The following PAK1 variants were observed in gnomAD, a reference collection of about 807,000 sequenced individuals.
PAK1 encodes serine/threonine-protein kinase PAK 1.
Under a neutral mutation model 67.4 loss-of-function variants are expected in PAK1, and 29 were observed. The observed-to-expected ratio is 0.43, with a 90% confidence interval of 0.32 to 0.59. PAK1 has a LOEUF of 0.59. PAK1 is among the 20% of genes least tolerant of loss of function. The probability of loss-of-function intolerance (pLI) is 0.07; values close to 1 mark genes in which losing one functional copy is unlikely to be tolerated. For missense variants in PAK1, 337 were observed against 670.7 expected (o/e 0.50, Z 5.50); for synonymous variants, 223 against 237.4 (o/e 0.94, Z 0.56).
intron 1 of PAK1, among the ~76,000 whole-genome samples, chr11:77,404,713 C>A (rs370731477): frequency 9.2e-5 from 14 of 152,296 alleles, no homozygotes; most frequent in South Asian, 4.1e-4. Context: ...TCCTCTCATC[C>A]GAAGCCAATT....
chr11:77,373,942 C>T (rs146347095), intron 5 of PAK1, among the ~76,000 whole-genome samples: 1 of 152,278 alleles, frequency 6.6e-6, no homozygotes, highest in African/African-American at 2.4e-5. Context: ...GTGTATCATC[C>T]TCATTTTATT....
At chr11:77,479,084 CAAA>C (rs757138155), upstream of PAK1, among the ~76,000 whole-genome samples, 4 of 88,722 alleles carry the variant, frequency 4.5e-5, no homozygotes, top group Admixed American at 1.2e-4. Context: ...GACTCCGTCT[CAAA>C]AAAAAAAAAA....
chr11:77,322,888 G>A lies in PAK1; in HGVS notation c.*386C>T. ...AGCAAGCACTAAAGAAATCTCAATTGATTACAAATTGATAATATTATCAAA... is the reference window on the plus strand; with the variant it reads ...AGCAAGCACTAAAGAAATCTCAATTAATTACAAATTGATAATATTATCAAA... On this transcript the variant is annotated 3_prime_UTR_variant, in exon 15 of 15. Coordinates refer to ENST00000356341, the MANE Select transcript of PAK1 (RefSeq NM_002576.5). 1.8e-6 allele frequency: 1 copy of A among 545,126 alleles called. No homozygotes were observed. The highest frequency in any genetic ancestry group is 3.0e-5 in the East Asian group (1 of 33,260). 33.8% of individuals were successfully genotyped at this position (545,126 alleles called of 1,614,324 possible). A position where few individuals can be genotyped will look rare whatever the true frequency, so the allele number is the denominator to read the frequency against.
intron 6 of PAK1, among the ~76,000 whole-genome samples, chr11:77,358,029 T>C (rs1317657552): frequency 3.9e-5 from 6 of 152,210 alleles, no homozygotes; most frequent in African/African-American, 1.2e-4. Context: ...AGATTCTGTT[T>C]GTAAGTTCTC....
intron 2 of PAK1, among the ~76,000 whole-genome samples, chr11:77,384,861 G>A (rs1486348394): frequency 6.6e-6 from 1 of 152,022 alleles, no homozygotes; most frequent in Non-Finnish European, 1.5e-5. Flanking sequence ...CCACGGAATT[G>A]TACATTTTAA....
At chr11:77,452,329 A>G (rs554588357) in intron 1 of PAK1, among the ~76,000 whole-genome samples, 1 of 152,334 alleles carries the variant, frequency 6.6e-6, no homozygotes, top group African/African-American at 2.4e-5. Context: ...CATGCCCTCA[A>G]ATCTGCACTC....
At chr11:77,379,531 A>G (rs180730154) in intron 3 of PAK1, 143 bp from the exon 4 acceptor site, 1 of 699,888 alleles carries the variant, frequency 1.4e-6, no homozygotes, top group East Asian at 2.7e-5. Context: ...CAGAGTTTAC[A>G]CAAGCCTCTT....
chr11:77,510,043 A>G, the PAK1 span, among the ~76,000 whole-genome samples: 2 of 152,238 alleles, frequency 1.3e-5, no homozygotes, highest in Non-Finnish European at 1.5e-5. Flanking sequence ...TGAGTTTGTC[A>G]TGATTTTCAA....
At chr11:77,509,015 A>G in the PAK1 span, among the ~76,000 whole-genome samples, 1 of 143,816 alleles carries the variant, frequency 7.0e-6, no homozygotes, top group Non-Finnish European at 1.5e-5. Flanking sequence ...TCAAGCCTGT[A>G]ATCCCAACAC....
At chr11:77,359,588 GT>G (rs1377618443) in intron 5 of PAK1, among the ~76,000 whole-genome samples, 2 of 152,092 alleles carry the variant, frequency 1.3e-5, no homozygotes, top group African/African-American at 4.8e-5. Context: ...TCAGGATCAT[GT>G]TATCTAAAGA....
chr11:77,444,425 C>A (rs1162356248), intron 1 of PAK1, among the ~76,000 whole-genome samples: 2 of 152,002 alleles, frequency 1.3e-5, no homozygotes, highest in Non-Finnish European at 2.9e-5. Context: ...TGGTCATGCT[C>A]AAAAACTATT....
chr11:77,416,558 T>C (rs1469077271), intron 1 of PAK1, among the ~76,000 whole-genome samples: 2 of 152,130 alleles, frequency 1.3e-5, no homozygotes, highest in Non-Finnish European at 1.5e-5. Flanking sequence ...ACAGTTAACT[T>C]TTTTTTATAA....
intron 7 of PAK1, 50 bp from the exon 8 acceptor site, chr11:77,353,649 A>G: frequency 6.9e-7 from 1 of 1,450,360 alleles, no homozygotes; most frequent in South Asian, 1.1e-5. Context: ...ATCAAGATAC[A>G]AAAAAGGTTC....
Position 77,379,736 on chromosome 11 carries a change from T to A in PAK1, c.291+158A>T, listed in dbSNP as rs577907826. On this transcript the variant is annotated intron_variant, in intron 3 of 14. Transcript: ENST00000356341. Reference sequence around the variant, plus strand: ...GATGGAAAGGCTTCTCTGGATACAATTTTGGCGATGAAAGTGTCCCACTCA... The same window carrying A: ...GATGGAAAGGCTTCTCTGGATACAAATTTGGCGATGAAAGTGTCCCACTCA... 5.3e-5 allele frequency among the ~76,000 whole-genome samples: 8 copies of A among 152,266 alleles called. No individual in the cohort carries two copies. In the East Asian group the frequency reaches 1.4e-3, roughly 26 times the overall value.
rs567243912 is a variant in PAK1 at position 77,357,400 on chromosome 11, T to C, written c.597+1498A>G. On this transcript the variant is annotated intron_variant, in intron 6 of 14. Coordinates refer to ENST00000356341, the MANE Select transcript of PAK1 (RefSeq NM_002576.5). ...CCTGATTACTACTCTAGCATAATGA[T>C]TTCTCAATTTTCTATTCTTGTACCT... is the stretch of plus-strand genomic sequence containing the variant. Among the ~76,000 whole-genome samples the C allele has an allele frequency of 7.9e-5, 12 of 152,308 alleles. No homozygotes were observed. In the South Asian group the frequency reaches 2.1e-3, roughly 26 times the overall value.
intron 1 of PAK1, among the ~76,000 whole-genome samples, chr11:77,429,129 TAGAG>T (rs996365115): frequency 3.3e-5 from 4 of 122,880 alleles, no homozygotes; most frequent in Non-Finnish European, 6.4e-5. Flanking sequence ...TTGGCTGGTA[TAGAG>T]AAAGTACAGG....
chr11:77,394,485 AGTT>A (rs1951578955), intron 1 of PAK1, among the ~76,000 whole-genome samples: 1 of 151,992 alleles, frequency 6.6e-6, no homozygotes. Context: ...CCCCACATCC[AGTT>A]TTTTCCTCAA....
the PAK1 span, among the ~76,000 whole-genome samples, chr11:77,516,601 C>A: frequency 6.6e-6 from 1 of 152,064 alleles, no homozygotes; most frequent in African/African-American, 2.4e-5. Context: ...TCTGTATCTC[C>A]AGGGTGGTCA....
chr11:77,511,211 G>T, the PAK1 span, among the ~76,000 whole-genome samples: 7 of 152,270 alleles, frequency 4.6e-5, no homozygotes, highest in South Asian at 1.2e-3. Flanking sequence ...GGGAAGGGGG[G>T]CAGGATTTAT....
Sources: allele counts gnomAD v4.1 joint callset (sites outside exome capture counted in the v4.1 genomes callset), GRCh38; gene constraint gnomAD v4.1.1; transcripts MANE v1.5; gene names NCBI Gene and HGNC (gene_info 2026-07-23, HGNC 2026-07-21).